CCDC93: variants seen among roughly 807,000 people sequenced by gnomAD.
CCDC93 encodes coiled-coil domain-containing protein 93.
In CCDC93, 61 loss-of-function variants were observed where a neutral mutation model predicts 108.2. The observed-to-expected ratio is 0.56, with a 90% CI of 0.46 to 0.70. The LOEUF is 0.70. Among genes scored for constraint, CCDC93 ranks in the 30% least tolerant of loss-of-function variants. The pLI, the probability that CCDC93 is intolerant of heterozygous loss-of-function variation, is 0.00. For missense variants in CCDC93, 685 were observed against 764.2 expected (o/e 0.90, Z 1.22); for synonymous variants, 276 against 260.4 (o/e 1.06, Z -0.58).
At position 117,973,889 on chromosome 2, in the gene CCDC93, C is replaced by G. The variant is rs1679846498; in HGVS notation, c.888+19G>C. The G allele has an allele frequency of 6.3e-7, 1 of 1,579,482 alleles. No individual in the cohort carries two copies. Among genetic ancestry groups the G allele is most frequent in the African/African-American group, 1.3e-5 (1 of 74,298 alleles). ...GGAGCATTATCTGGGGCACAGACTC[C>G]AGCTGGGCCCCCACCTACCTTCTCT... On this transcript the variant is annotated intron_variant, in intron 11 of 23. Transcript: ENST00000376300.
In CCDC93 at chr2:117,975,246, A is replaced by G. The variant is rs750213336; in HGVS notation, c.692T>C (p.Leu231Pro). 6.2e-7 allele frequency: 1 copy of G among 1,613,844 alleles called. No homozygotes were observed. The highest frequency in any genetic ancestry group is 1.1e-5 in the South Asian group (1 of 91,076). Residue 231 changes from leucine (L) to proline (P), a missense_variant, in exon 9 of 24, where the codon CTG becomes CCG. Leu to Pro is a moderately conservative substitution (Grantham distance 98). Transcript: ENST00000376300. ...GGCATCAGCTTTTTCTGTAGCTGAC[A>G]GCCCTGCTGGAAGTGCCGTTTTCTT... ...EDKKTALPAG[L>P]SATEKADAHE...
At chr2:118,002,121 C>G (rs1400790708) in intron 3 of CCDC93, among the ~76,000 whole-genome samples, 2 of 152,272 alleles carry the variant, frequency 1.3e-5, no homozygotes, top group East Asian at 3.9e-4. Flanking sequence ...TAAACAAATA[C>G]AGTACTATGT....
chr2:117,929,518 A>G (rs1467815151), intron 23 of CCDC93, among the ~76,000 whole-genome samples: 1 of 152,154 alleles, frequency 6.6e-6, no homozygotes, highest in Admixed American at 6.5e-5. Context: ...GGCAAGAATG[A>G]GCTTTTCCAT....
chr2:117,957,264 T>G (rs888045998), intron 12 of CCDC93, among the ~76,000 whole-genome samples: 3 of 152,238 alleles, frequency 2.0e-5, no homozygotes, highest in African/African-American at 7.2e-5. Context: ...CTGAAGCATA[T>G]AACTTTTTTA....
At chr2:117,961,231 C>T (rs1255620612) in intron 11 of CCDC93, among the ~76,000 whole-genome samples, 2 of 151,962 alleles carry the variant, frequency 1.3e-5, no homozygotes, top group Non-Finnish European at 2.9e-5. Context: ...AGAAAATGCT[C>T]GCAATGCACA....
chr2:117,922,791 A>C (rs10172254), intron 23 of CCDC93, among the ~76,000 whole-genome samples: 92,383 of 151,904 alleles, frequency 0.61, 28,725 homozygotes, highest in African/African-American at 0.72. Context: ...GGATGAAAGT[A>C]CAAATTAAAC....
chr2:117,945,411 G>C lies in CCDC93; in HGVS notation c.1350+118C>G, dbSNP rs1214386633. The C allele has an allele frequency of 1.0e-4, 78 of 779,722 alleles. 1 individual carries two copies. The highest frequency in any genetic ancestry group is 2.9e-5 in the Non-Finnish European group (13 of 453,556). The allele number at this position is 779,722 out of a possible 1,614,324, so 48.3% of individuals were successfully genotyped here. Reference sequence around the variant, plus strand: ...ACAGGACAATGCCCTGGAACGCCTAGATGTGGAGTTGGCCATAGAGCACAT... The same window carrying C: ...ACAGGACAATGCCCTGGAACGCCTACATGTGGAGTTGGCCATAGAGCACAT... On this transcript the variant is annotated intron_variant, in intron 17 of 23. Coordinates refer to ENST00000376300, the MANE Select transcript of CCDC93 (RefSeq NM_019044.5).
At chr2:117,968,079 C>G (rs1027255499) in intron 11 of CCDC93, among the ~76,000 whole-genome samples, 1 of 152,100 alleles carries the variant, frequency 6.6e-6, no homozygotes, top group African/African-American at 2.4e-5. Flanking sequence ...CAAAATGTTC[C>G]AATATCCTGT....
At chr2:117,950,575 C>G in intron 13 of CCDC93, 2 of 985,318 alleles carry the variant, frequency 2.0e-6, no homozygotes. Context: ...CTAGGTTATC[C>G]TGGAAGGGCA....
chr2:117,988,634 T>C (rs182894391), intron 6 of CCDC93, among the ~76,000 whole-genome samples: 8 of 152,348 alleles, frequency 5.3e-5, no homozygotes, highest in Admixed American at 1.3e-4. Flanking sequence ...AGGGACCCCA[T>C]AGATGTTTTC....
intron 11 of CCDC93, among the ~76,000 whole-genome samples, chr2:117,965,904 TA>T (rs1679552744): frequency 6.6e-6 from 1 of 152,118 alleles, no homozygotes; most frequent in Non-Finnish European, 1.5e-5. Flanking sequence ...AACAAAGACT[TA>T]AAATATAAAA....
intron 6 of CCDC93, among the ~76,000 whole-genome samples, chr2:117,991,724 G>A (rs1397770467): frequency 6.6e-6 from 1 of 151,960 alleles, no homozygotes; most frequent in Non-Finnish European, 1.5e-5. Flanking sequence ...TAAAACGCTG[G>A]GTCTAAAAAC....
At chr2:118,013,670 G>C (rs1286225993) in intron 1 of CCDC93, among the ~76,000 whole-genome samples, 1 of 152,166 alleles carries the variant, frequency 6.6e-6, no homozygotes, top group East Asian at 1.9e-4. Context: ...CCCGCGGCGC[G>C]TGGGGCTGCG....
intron 18 of CCDC93, among the ~76,000 whole-genome samples, chr2:117,943,105 C>T (rs1678757311): frequency 6.6e-6 from 1 of 152,196 alleles, no homozygotes; most frequent in South Asian, 2.1e-4. Flanking sequence ...TAACTCAGGC[C>T]CTTGCCCTCA....
intron 7 of CCDC93, among the ~76,000 whole-genome samples, chr2:117,979,707 AG>A (rs1680053331): frequency 6.6e-6 from 1 of 152,236 alleles, no homozygotes; most frequent in South Asian, 2.1e-4. Flanking sequence ...ATAAACCTAT[AG>A]GTCCAAAGTG....
chr2:117,983,144 A>G (rs1680202116), intron 7 of CCDC93, among the ~76,000 whole-genome samples: 2 of 152,148 alleles, frequency 1.3e-5, no homozygotes, highest in Non-Finnish European at 2.9e-5. Flanking sequence ...ATTAAATACC[A>G]CGCCTAGAAC....
intron 13 of CCDC93, chr2:117,949,913 G>C: frequency 2.0e-6 from 2 of 985,404 alleles, no homozygotes; most frequent in Non-Finnish European, 2.4e-6. Context: ...AGCAGACGTA[G>C]GAAGGACTGG....
intron 11 of CCDC93, among the ~76,000 whole-genome samples, chr2:117,966,764 G>C (rs1679593265): frequency 6.6e-6 from 1 of 152,230 alleles, no homozygotes; most frequent in African/African-American, 2.4e-5. Context: ...GCTCTGGAAA[G>C]ATATGACTTC....
chr2:117,995,215 A>G (rs1680606622), intron 6 of CCDC93, among the ~76,000 whole-genome samples: 1 of 152,156 alleles, frequency 6.6e-6, no homozygotes, highest in Admixed American at 6.5e-5. Context: ...TCCTCCCTTA[A>G]AAGTGGAAGT....
Sources: gnomAD v4.1 joint callset for allele counts (sites outside exome capture counted in the v4.1 genomes callset) on GRCh38, gnomAD v4.1.1 for gene constraint, MANE v1.5 for transcripts, NCBI Gene and HGNC (gene_info 2026-07-23, HGNC 2026-07-21) for gene names.